The following PAXIP1 variants were observed in gnomAD, a reference collection of about 807,000 sequenced individuals.
PAXIP1 encodes the protein PAX interacting protein 1, also known as PAX-interacting protein 1.
Under a neutral mutation model 140.6 loss-of-function variants are expected in PAXIP1, and 19 were observed. The observed-to-expected ratio is 0.14, with a 90% CI of 0.09 to 0.20. The LOEUF (loss-of-function observed/expected upper bound fraction) is 0.20, where lower values mean the gene tolerates loss of function less well. PAXIP1 is among the 10% of genes least tolerant of loss of function. PAXIP1 has a pLI of 1.00. For synonymous variants in PAXIP1, 442 were observed against 444.6 expected, an observed-to-expected ratio of 0.99 and a Z score of 0.07; for missense variants, 920 against 1,208.6, an observed-to-expected ratio of 0.76 and a Z score of 3.54.
At position 154,986,297 on chromosome 7, in the gene PAXIP1, C is replaced by T; in HGVS notation, c.325-2965G>A. 1 of 571,734 alleles carries T rather than the reference C, an allele frequency of 1.7e-6. No individual in the cohort carries two copies. 35.4% of individuals were successfully genotyped at this position (571,734 alleles called of 1,614,324 possible). A position where few individuals can be genotyped will look rare whatever the true frequency, so the allele number is the denominator to read the frequency against. ...GTGTGCGCATGGGTGCTCCAGTGTG[C>T]AGAAAAGGTGCAGATCCCTCTGACA... On this transcript the variant is annotated intron_variant, in intron 4 of 20. Transcript: ENST00000404141. The surrounding 1 kb of genome is among the most constrained non-coding windows in gnomAD (Gnocchi z 4.8).
At chr7:154,995,711 G>A (rs374473466) in intron 2 of PAXIP1, among the ~76,000 whole-genome samples, 6 of 152,094 alleles carry the variant, frequency 3.9e-5, no homozygotes, top group East Asian at 1.9e-4. Context: ...TTAGCCGGGC[G>A]TGGTGGCACA....
chr7:154,991,560 G>C (rs952429232), intron 3 of PAXIP1, among the ~76,000 whole-genome samples: 1 of 152,188 alleles, frequency 6.6e-6, no homozygotes, highest in Non-Finnish European at 1.5e-5. Context: ...CTAACTTTGT[G>C]AACTTAGGCA....
rs183429407 is a variant in PAXIP1 at position 154,998,875 on chromosome 7, T to C, written c.82-91A>G. Reference sequence around the variant, plus strand: ...AAATAATTATTGGGCATAATAGTACTTTTTAATAAAAACACACCATATTCC... The same window carrying C: ...AAATAATTATTGGGCATAATAGTACCTTTTAATAAAAACACACCATATTCC... On this transcript the variant is annotated intron_variant, in intron 1 of 20. Transcript: ENST00000404141. 48 of 1,133,430 alleles carry C rather than the reference T, an allele frequency of 4.2e-5. No individual in the cohort carries two copies. In the East Asian group the frequency reaches 1.1e-3, roughly 27 times the overall value. The allele number at this position is 1,133,430 out of a possible 1,614,324, so 70.2% of individuals were successfully genotyped here.
At chr7:154,995,765 G>A (rs935079315) in intron 2 of PAXIP1, among the ~76,000 whole-genome samples, 2 of 152,016 alleles carry the variant, frequency 1.3e-5, no homozygotes, top group African/African-American at 2.4e-5. Flanking sequence ...GAGGAGAATC[G>A]CTTGAACCCT....
At chr7:154,983,102 A>T (rs1809916938) in intron 5 of PAXIP1, 117 bp downstream of exon 5, 1 of 583,300 alleles carries the variant, frequency 1.7e-6, no homozygotes, top group Non-Finnish European at 3.0e-6. Flanking sequence ...AAACCAATAT[A>T]ATCAGCTTTT....
chr7:154,967,927 T>A lies in PAXIP1; in HGVS notation c.1799-17A>T. On this transcript the variant is annotated splice_polypyrimidine_tract_variant and intron_variant, in intron 7 of 20. Coordinates refer to ENST00000404141, the MANE Select transcript of PAXIP1 (RefSeq NM_007349.4). ...CTTCTGGAACTAGAGTAAAATTACA[T>A]AAGAAAAAGAAAATTAAAACCCTAT... 6.4e-7 allele frequency: 1 copy of A among 1,565,562 alleles called. No individual in the cohort carries two copies. Among genetic ancestry groups the A allele is most frequent in the Non-Finnish European group, 8.8e-7 (1 of 1,142,682 alleles).
chr7:154,971,496 G>A (rs539903818), intron 6 of PAXIP1, among the ~76,000 whole-genome samples: 7 of 152,308 alleles, frequency 4.6e-5, no homozygotes, highest in South Asian at 2.1e-4. Flanking sequence ...GCCAGCCATC[G>A]AGATGCCTCC....
rs773001710 is a variant in PAXIP1, at chr7:154,975,758, G to A, written c.1012C>T (p.Leu338=). 3 of 1,613,842 alleles carry A rather than the reference G, an allele frequency of 1.9e-6. No homozygotes were observed. Among genetic ancestry groups the A allele is most frequent in the Admixed American group, 3.3e-5 (2 of 60,022 alleles). The change falls in exon 6 of 21, where the codon CTG becomes TTG. Residue 338 remains leucine, a synonymous_variant. Transcript: ENST00000404141. ...TCAGCATTATTAGTAATATTCCTCAGTGTCCGTACAGCTGGACTCCAGGTA... is the reference window on the plus strand; with the variant it reads ...TCAGCATTATTAGTAATATTCCTCAATGTCCGTACAGCTGGACTCCAGGTA... ...IATWSPAVRT[L]RNITNNADIQ...
intron 3 of PAXIP1, among the ~76,000 whole-genome samples, chr7:154,991,927 G>A (rs530215036): frequency 2.0e-4 from 30 of 152,258 alleles, no homozygotes; most frequent in African/African-American, 7.0e-4. Context: ...CAAGTTTGAA[G>A]TCTCCTATAT....
In PAXIP1 at chr7:154,967,692, C is replaced by T. The variant is rs968656509; in HGVS notation, c.1893+124G>A. On this transcript the variant is annotated intron_variant, in intron 8 of 20. Coordinates refer to ENST00000404141, the MANE Select transcript of PAXIP1 (RefSeq NM_007349.4). ...TCACACAGAATGTTAATCAAAATGCCCGTCACACATTCAGAACACGTGCAG... is the reference window on the plus strand; with the variant it reads ...TCACACAGAATGTTAATCAAAATGCTCGTCACACATTCAGAACACGTGCAG... The T allele has an allele frequency of 9.4e-6, 6 of 641,436 alleles. No homozygotes were observed. In the Admixed American group the frequency reaches 1.8e-4, roughly 19 times the overall value. 39.7% of individuals were successfully genotyped at this position (641,436 alleles called of 1,614,324 possible).
intron 5 of PAXIP1, among the ~76,000 whole-genome samples, chr7:154,977,538 G>A (rs1165926123): frequency 6.6e-6 from 1 of 152,190 alleles, no homozygotes; most frequent in Non-Finnish European, 1.5e-5. Context: ...CAAATAGTGA[G>A]CTCTGCACAC....
rs540984954 is a variant in PAXIP1, at chr7:154,977,461, G to C, written c.439-1130C>G. Reference sequence around the variant, plus strand: ...TAGGGATGCGGGGCAGCAGCACAGAGAGGACAGCTGTTGGTCATTCGGTCC... The same window carrying C: ...TAGGGATGCGGGGCAGCAGCACAGACAGGACAGCTGTTGGTCATTCGGTCC... On this transcript the variant is annotated intron_variant, in intron 5 of 20. Transcript: ENST00000404141. Among the ~76,000 whole-genome samples, 43 of 152,362 alleles carry C rather than the reference G, an allele frequency of 2.8e-4. No homozygotes were observed. In the South Asian group the frequency reaches 8.5e-3, roughly 30 times the overall value.
intron 16 of PAXIP1, chr7:154,951,141 G>C (rs1009609957): frequency 6.6e-5 from 10 of 152,276 alleles, no homozygotes; most frequent in Admixed American, 4.6e-4. Context: ...CTGGCCAAGA[G>C]TGAGCCCTAA....
Position 154,946,328 on chromosome 7 carries a change from A to T in PAXIP1, c.3194+37T>A. On this transcript the variant is annotated intron_variant, in intron 20 of 20. Coordinates refer to ENST00000404141, the MANE Select transcript of PAXIP1 (RefSeq NM_007349.4). The surrounding 1 kb of genome is among the most constrained non-coding windows in gnomAD (Gnocchi z 4.9). ...ACCTGGGAAATCCATTTCATATCTA[A>T]CCCGTCTACTTTTTAATTCTCTTTT... 6.2e-7 allele frequency: 1 copy of T among 1,613,492 alleles called. No homozygotes were observed. The highest frequency in any genetic ancestry group is 1.1e-5 in the South Asian group (1 of 91,066).
chr7:154,945,994 C>T (rs1324632067), intron 20 of PAXIP1: 5 of 984,736 alleles, frequency 5.1e-6, no homozygotes, highest in African/African-American at 1.7e-5. Context: ...AGACTATATA[C>T]GAACTAAATT....
At chr7:154,982,681 G>T (rs1294200658) in intron 5 of PAXIP1, among the ~76,000 whole-genome samples, 2 of 152,176 alleles carry the variant, frequency 1.3e-5, no homozygotes, top group African/African-American at 2.4e-5. Flanking sequence ...AGTCCCCAAG[G>T]GGGGCAGATG....
At chr7:154,989,973 T>C (rs1437124617) in intron 4 of PAXIP1, among the ~76,000 whole-genome samples, 1 of 152,104 alleles carries the variant, frequency 6.6e-6, no homozygotes, top group Non-Finnish European at 1.5e-5. Flanking sequence ...AAATAATGCT[T>C]ATCAATAAAT....
rs1354521854 is a variant in PAXIP1 at position 154,946,414 on chromosome 7, C to T, written c.3145G>A (p.Ala1049Thr). The change falls in exon 20 of 21, where the codon GCA becomes ACA. Residue 1049 changes from alanine (A) to threonine (T), a missense_variant. Physicochemically the swap from Ala to Thr is moderately conservative, Grantham distance 58. Coordinates refer to ENST00000404141, the MANE Select transcript of PAXIP1 (RefSeq NM_007349.4). This position sits in a 1 kb window ranked among gnomAD's most constrained non-coding sequence, Gnocchi z 4.9. The stretch of plus-strand genomic sequence containing the variant: ...AGCACTCCAGTCAGAACGAACTCTG[C>T]ATTGTGAACATCTGAACAGGGTGGA... Reference protein sequence around the residue: ...YFARGIDVHNAEFVLTGVLTQ... With the variant: ...YFARGIDVHNTEFVLTGVLTQ... The T allele has an allele frequency of 6.2e-7, 1 of 1,613,576 alleles. No individual in the cohort carries two copies. The highest frequency in any genetic ancestry group is 8.5e-7 in the Non-Finnish European group (1 of 1,179,600).
At position 154,944,103 on chromosome 7, in the gene PAXIP1, C is replaced by A; in HGVS notation, c.*46G>T. 6.2e-7 allele frequency: 1 copy of A among 1,606,972 alleles called. No individual in the cohort carries two copies. The highest frequency in any genetic ancestry group is 8.5e-7 in the Non-Finnish European group (1 of 1,174,876). On this transcript the variant is annotated 3_prime_UTR_variant, in exon 21 of 21. Transcript: ENST00000404141. ...AGCAGCTCCTCGCCAGCCAGACAGC[C>A]AGCCCCGCACCGCAGGAGTCGACAT... is the stretch of plus-strand genomic sequence containing the variant.
Sources: gnomAD v4.1 joint callset for allele counts (sites outside exome capture counted in the v4.1 genomes callset) on GRCh38, gnomAD v4.1.1 for gene constraint, Gnocchi (gnomAD v3.1) non-coding constraint, MANE v1.5 for transcripts, NCBI Gene and HGNC (gene_info 2026-07-23, HGNC 2026-07-21) for gene names.